NEK3: variants seen among roughly 807,000 people sequenced by gnomAD.
NEK3 encodes serine/threonine-protein kinase Nek3.
Under a neutral mutation model 66.0 loss-of-function variants are expected in NEK3, and 54 were observed. That is an observed-to-expected ratio of 0.82 (90% CI 0.66 to 1.03). The LOEUF is 1.03. Among genes scored for constraint, NEK3 ranks in the 50% least tolerant of loss-of-function variants. NEK3 has a pLI of 0.00. For synonymous variants in NEK3, 200 were observed against 206.2 expected (o/e 0.97, Z 0.26); for missense variants, 593 against 603.0 (o/e 0.98, Z 0.17).
Position 52,137,404 on chromosome 13 carries a change from G to A in NEK3, c.928-502C>T, listed in dbSNP as rs114359284. 8.4e-3 allele frequency among the ~76,000 whole-genome samples: 1,274 copies of A among 152,176 alleles called. 20 individuals carry two copies. Among genetic ancestry groups the A allele is most frequent in the African/African-American group, 0.03 (1,232 of 41,500 alleles). On this transcript the variant is annotated intron_variant, in intron 11 of 15. Transcript: ENST00000610828. ...CGTGAAATATAGTAATACACTATCT[G>A]GTTTACTAAATCTGCATATACTTTG... is the stretch of plus-strand genomic sequence containing the variant.
At position 52,151,393 on chromosome 13, in the gene NEK3, C is replaced by A; in HGVS notation, c.394-1G>T. On this transcript the variant is annotated splice_acceptor_variant, in intron 5 of 15. Coordinates refer to ENST00000610828, the MANE Select transcript of NEK3 (RefSeq NM_002498.3). LOFTEE classifies it high-confidence loss of function. ...TTCCATTCTGAGTGAGGAAGATATTCTGCATTTAAAAAGAAAAGCTCAGAT... is the reference window on the plus strand; with the variant it reads ...TTCCATTCTGAGTGAGGAAGATATTATGCATTTAAAAAGAAAAGCTCAGAT... 1 of 1,577,854 alleles carries A rather than the reference C, an allele frequency of 6.3e-7. No homozygotes were observed.
At chr13:52,156,284 G>A (rs1807328556) in intron 1 of NEK3, 36 bp from the exon 2 acceptor site, 2 of 799,824 alleles carry the variant, frequency 2.5e-6, no homozygotes, top group Admixed American at 5.1e-5. Context: ...AGAATTAAAT[G>A]TACTTTCAAA....
chr13:52,138,338 T>C (rs1226802177), intron 11 of NEK3, among the ~76,000 whole-genome samples: 2 of 152,188 alleles, frequency 1.3e-5, no homozygotes, highest in African/African-American at 4.8e-5. Context: ...TTCTATATGA[T>C]GACTGTGGCA....
rs1429463848 is a variant in NEK3, at chr13:52,148,416, G to T, written c.602C>A (p.Pro201Gln). 7 of 1,612,718 alleles carry T rather than the reference G, an allele frequency of 4.3e-6. No homozygotes were observed. The East Asian group carries it at 1.6e-4, about 36-fold the overall frequency. ...ILYELCTLKH[P>Q]FQANSWKNLI... is the part of the protein sequence containing the mutation. ...TTCCATTTTGCACGCCATACTTACT[G>T]GATGCTTAAGGGTACAGAGTTCATA... The change falls in exon 8 of 16, where the codon CCA (proline) becomes CAA (glutamine). Residue 201 changes from proline (P) to glutamine (Q), a missense_variant and splice_region_variant. Transcript: ENST00000610828.
At chr13:52,150,759 T>C (rs1270844940) in intron 7 of NEK3, among the ~76,000 whole-genome samples, 1 of 152,190 alleles carries the variant, frequency 6.6e-6, no homozygotes, top group Non-Finnish European at 1.5e-5. Context: ...CTTGAAAAAT[T>C]ACTGATGCCT....
chr13:52,133,231 G>GAAA lies in NEK3; in HGVS notation c.1437-8_1437-6dup, dbSNP rs1460013013. ...TCATCTTCCTCCTCAAAGTCCCTGT[G>GAAA]AAAAAACAATTTGGACCATAAACCT... On this transcript the variant is annotated splice_polypyrimidine_tract_variant and splice_region_variant and intron_variant, in intron 15 of 15. Transcript: ENST00000610828. 1 of 1,599,984 alleles carries GAAA rather than the reference G, an allele frequency of 6.3e-7. No individual in the cohort carries two copies. The highest frequency in any genetic ancestry group is 8.5e-7 in the Non-Finnish European group (1 of 1,173,110).
Position 52,133,616 on chromosome 13 carries a change from CA to C in NEK3, c.1436+72del, listed in dbSNP as rs1956174862. On this transcript the variant is annotated intron_variant, in intron 15 of 15. Coordinates refer to ENST00000610828, the MANE Select transcript of NEK3 (RefSeq NM_002498.3). ...GAAATTATCATGGTCTAATTTAAAT[CA>C]CACACACACACACACACACACACAC... The C allele has an allele frequency of 2.0e-5, 16 of 792,686 alleles. No individual in the cohort carries two copies. The African/African-American group carries it at 7.5e-4, about 37-fold the overall frequency. 49.1% of individuals were successfully genotyped at this position (792,686 alleles called of 1,614,324 possible). A position where few individuals can be genotyped will look rare whatever the true frequency, so the allele number is the denominator to read the frequency against.
chr13:52,155,433 T>C (rs1956386871), intron 2 of NEK3, among the ~76,000 whole-genome samples: 2 of 152,200 alleles, frequency 1.3e-5, no homozygotes, highest in Non-Finnish European at 2.9e-5. Context: ...TTCATTAATA[T>C]TGCACCTGAG....
intron 11 of NEK3, among the ~76,000 whole-genome samples, chr13:52,138,070 G>C (rs1956218888): frequency 6.6e-6 from 1 of 152,210 alleles, no homozygotes; most frequent in African/African-American, 2.4e-5. Flanking sequence ...GCCCAGGCTG[G>C]AGTGCAGAGG....
Position 52,136,253 on chromosome 13 carries a change from T to G in NEK3, c.1037A>C (p.Lys346Thr), listed in dbSNP as rs771779935. 1.3e-5 allele frequency: 21 copies of G among 1,613,514 alleles called. No homozygotes were observed. Among genetic ancestry groups the G allele is most frequent in the Non-Finnish European group, 1.7e-5 (20 of 1,179,664 alleles). ...ACTGGCTTTCCTCAGATGGACTGAC[T>G]TATTACCTGATTTTAAAGTGTGAAA... is the stretch of plus-strand genomic sequence containing the variant. ...RRVNREEKGN[K>T]SVHLRKASSP... The change falls in exon 13 of 16, where the codon AAG becomes ACG. Residue 346 changes from lysine (K) to threonine (T), a missense_variant. Physicochemically the swap from Lys to Thr is moderately conservative, Grantham distance 78. Transcript: ENST00000610828.
At chr13:52,150,471 T>C (rs969677981) in intron 7 of NEK3, among the ~76,000 whole-genome samples, 1 of 151,998 alleles carries the variant, frequency 6.6e-6, no homozygotes, top group African/African-American at 2.4e-5. Context: ...GAAAAGTAAA[T>C]GAAGAAAAAA....
chr13:52,140,273 C>T (rs1475299755), intron 11 of NEK3, among the ~76,000 whole-genome samples: 1 of 140,064 alleles, frequency 7.1e-6, no homozygotes, highest in Non-Finnish European at 1.5e-5. Context: ...GAAAGCAAGA[C>T]AAAATTCTTC....
At chr13:52,156,740 A>C (rs1956399429) in intron 1 of NEK3, 1 of 152,452 alleles carries the variant, frequency 6.6e-6, no homozygotes, top group African/African-American at 2.4e-5. Context: ...CCCTGGTCTA[A>C]CCACTTCTTT....
chr13:52,140,500 C>G (rs1235016935), intron 11 of NEK3, among the ~76,000 whole-genome samples: 1 of 151,848 alleles, frequency 6.6e-6, no homozygotes, highest in African/African-American at 2.4e-5. Context: ...CCCAGCTACT[C>G]AGGAGACTGA....
Position 52,133,167 on chromosome 13 carries a change from C to CCAGCTCGCTT in NEK3, c.1486_1495dup (p.Gly499GlufsTer49), listed in dbSNP as rs779403453. 1 of 1,610,918 alleles carries CCAGCTCGCTT rather than the reference C, an allele frequency of 6.2e-7. No individual in the cohort carries two copies. Among genetic ancestry groups the CCAGCTCGCTT allele is most frequent in the South Asian group, 1.1e-5 (1 of 89,938 alleles). ...TTATCTGTCGCACAGGCCTTGCCAT[C>CCAGCTCGCTT]CAGCTCGCTTCTTCAGCTCTGACAC... On this transcript the variant is annotated frameshift_variant, in exon 16 of 16. Transcript: ENST00000610828. LOFTEE classifies it low-confidence loss of function (END_TRUNC).
chr13:52,143,082 C>A (rs150852691), intron 10 of NEK3, among the ~76,000 whole-genome samples: 1 of 152,018 alleles, frequency 6.6e-6, no homozygotes, highest in South Asian at 2.1e-4. Flanking sequence ...TTTGGGAGGC[C>A]GAGGTGGGTG....
intron 11 of NEK3, among the ~76,000 whole-genome samples, chr13:52,140,544 C>CT (rs1466954397): frequency 6.6e-6 from 1 of 151,678 alleles, no homozygotes; most frequent in Admixed American, 6.6e-5. Flanking sequence ...GGAGGCGGGG[C>CT]TTGCAGTGAG....
chr13:52,152,266 G>C (rs1419539167), intron 5 of NEK3, among the ~76,000 whole-genome samples: 1 of 152,084 alleles, frequency 6.6e-6, no homozygotes, highest in African/African-American at 2.4e-5. Flanking sequence ...ACTTAATAAT[G>C]CATAGAATAC....
chr13:52,133,730 C>CA lies in NEK3; in HGVS notation c.1394dup (p.Leu465PhefsTer7), dbSNP rs1199810759. The stretch of plus-strand genomic sequence containing the variant: ...GCCCAGGCTCAAGTCGCTCTGGATC[C>CA]AAAATGACAGAATCGTGACCTCCAT... On this transcript the variant is annotated frameshift_variant, in exon 15 of 16. Transcript: ENST00000610828. LOFTEE classifies it high-confidence loss of function. 3 of 1,567,734 alleles carry CA rather than the reference C, an allele frequency of 1.9e-6. No individual in the cohort carries two copies. In the South Asian group the frequency reaches 3.5e-5, roughly 18 times the overall value.
Sources: allele counts gnomAD v4.1 joint callset (sites outside exome capture counted in the v4.1 genomes callset), GRCh38; gene constraint gnomAD v4.1.1; transcripts MANE v1.5; gene names NCBI Gene and HGNC (gene_info 2026-07-23, HGNC 2026-07-21).